The following ARHGEF28 variants were observed in gnomAD, a reference collection of about 807,000 sequenced individuals.
The protein encoded by ARHGEF28 is Rho guanine nucleotide exchange factor 28.
Under a neutral mutation model 206.6 loss-of-function variants are expected in ARHGEF28, and 152 were observed. The observed-to-expected ratio is 0.74, with a 90% CI of 0.64 to 0.84. ARHGEF28 has a LOEUF of 0.84. ARHGEF28 is among the 40% of genes least tolerant of loss of function. ARHGEF28 has a pLI of 0.00. For synonymous variants in ARHGEF28, 763 were observed against 776.4 expected (o/e 0.98, Z 0.29); for missense variants, 2,028 against 2,073.2 (o/e 0.98, Z 0.42).
chr5:73,745,305 A>G (rs981490940), intron 2 of ARHGEF28, among the ~76,000 whole-genome samples: 2 of 152,078 alleles, frequency 1.3e-5, no homozygotes, highest in African/African-American at 4.8e-5. Flanking sequence ...TCAAGGTATT[A>G]GAGACATAGA....
intron 2 of ARHGEF28, among the ~76,000 whole-genome samples, chr5:73,721,500 C>A (rs79351159): frequency 1.3e-5 from 2 of 152,170 alleles, no homozygotes; most frequent in Admixed American, 6.5e-5. Context: ...ATTTTCCCCC[C>A]AGAAGCTGCC....
intron 26 of ARHGEF28, among the ~76,000 whole-genome samples, chr5:73,890,159 G>A (rs1035866565): frequency 1.3e-5 from 2 of 152,106 alleles, no homozygotes; most frequent in African/African-American, 4.8e-5. Context: ...GAATACCGAT[G>A]GACAGGTTCC....
intron 4 of ARHGEF28, among the ~76,000 whole-genome samples, chr5:73,757,528 A>G (rs1475730183): frequency 6.6e-6 from 1 of 152,048 alleles, no homozygotes; most frequent in Non-Finnish European, 1.5e-5. Flanking sequence ...TTCCCTTGTC[A>G]ATCATTGAGA....
chr5:73,812,948 A>C (rs1354191154), intron 9 of ARHGEF28, among the ~76,000 whole-genome samples: 1 of 152,182 alleles, frequency 6.6e-6, no homozygotes, highest in Non-Finnish European at 1.5e-5. Flanking sequence ...TAAATGAATT[A>C]TGAGAGCTGT....
chr5:73,662,042 A>C (rs572787347), intron 1 of ARHGEF28, among the ~76,000 whole-genome samples: 1 of 152,338 alleles, frequency 6.6e-6, no homozygotes, highest in South Asian at 2.1e-4. Flanking sequence ...CTTGAAGCAC[A>C]ACAAGACATG....
chr5:73,867,586 C>T (rs1024343320), intron 18 of ARHGEF28, among the ~76,000 whole-genome samples: 52 of 152,146 alleles, frequency 3.4e-4, no homozygotes, highest in Admixed American at 2.2e-3. Flanking sequence ...GGAAACCTGG[C>T]GCAGTATTTC....
chr5:73,663,890 C>G (rs1486325462), intron 1 of ARHGEF28, among the ~76,000 whole-genome samples: 1 of 152,182 alleles, frequency 6.6e-6, no homozygotes, highest in African/African-American at 2.4e-5. Flanking sequence ...TATGTAGTTA[C>G]GTTTGTGCAA....
At chr5:73,937,210 A>G (rs1190864181) in intron 35 of ARHGEF28, among the ~76,000 whole-genome samples, 2 of 152,236 alleles carry the variant, frequency 1.3e-5, no homozygotes, top group East Asian at 3.8e-4. Context: ...GAATGGTGCC[A>G]GCCAAAATGT....
At chr5:73,724,670 C>T (rs1750172029) in intron 2 of ARHGEF28, among the ~76,000 whole-genome samples, 1 of 152,208 alleles carries the variant, frequency 6.6e-6, no homozygotes, top group Non-Finnish European at 1.5e-5. Flanking sequence ...TGTAGCCATT[C>T]AAGTCTGGCT....
At chr5:73,645,048 A>G (rs1744345830) in intron 1 of ARHGEF28, among the ~76,000 whole-genome samples, 2 of 152,198 alleles carry the variant, frequency 1.3e-5, no homozygotes, top group African/African-American at 4.8e-5. Flanking sequence ...ATTTCATTCA[A>G]TCCTCAACAA....
intron 2 of ARHGEF28, among the ~76,000 whole-genome samples, chr5:73,701,942 A>G (rs562750726): frequency 2.0e-5 from 3 of 152,286 alleles, no homozygotes; most frequent in South Asian, 2.1e-4. Flanking sequence ...TAAAACTGCT[A>G]TGGACAATTG....
chr5:73,698,227 T>C (rs1026594193), intron 2 of ARHGEF28, among the ~76,000 whole-genome samples: 5 of 151,978 alleles, frequency 3.3e-5, no homozygotes, highest in Admixed American at 1.3e-4. Flanking sequence ...CGAGGGGAAA[T>C]TGAATGGAAA....
intron 31 of ARHGEF28, chr5:73,903,714 C>G (rs283625): frequency 0.69 from 107,511 of 155,482 alleles, 38,882 homozygotes; most frequent in African/African-American, 0.92. Flanking sequence ...CTATGGCCAC[C>G]GTCTGAGTCT....
At chr5:73,861,036 G>C (rs990597043) in intron 16 of ARHGEF28, among the ~76,000 whole-genome samples, 3 of 152,172 alleles carry the variant, frequency 2.0e-5, no homozygotes, top group Admixed American at 1.3e-4. Context: ...GACCACTGTG[G>C]TCCAAACTCC....
intron 4 of ARHGEF28, among the ~76,000 whole-genome samples, chr5:73,770,778 CAGA>C (rs1346584925): frequency 6.6e-6 from 1 of 152,174 alleles, no homozygotes; most frequent in African/African-American, 2.4e-5. Flanking sequence ...CTTTAAACAT[CAGA>C]AGATTCTCTC....
chr5:73,893,110 T>C (rs1046596521), intron 27 of ARHGEF28, 87 bp from the exon 28 acceptor site: 1 of 1,108,756 alleles, frequency 9.0e-7, no homozygotes, highest in African/African-American at 1.6e-5. Flanking sequence ...TGAATAAATC[T>C]ATTGCCAAGT....
intron 35 of ARHGEF28, among the ~76,000 whole-genome samples, chr5:73,916,743 A>G (rs1763236238): frequency 6.6e-6 from 1 of 152,162 alleles, no homozygotes; most frequent in Admixed American, 6.5e-5. Context: ...ACAGGGGACA[A>G]AATGATGATT....
At chr5:73,815,257 A>G (rs1756122518) in intron 9 of ARHGEF28, among the ~76,000 whole-genome samples, 1 of 149,246 alleles carries the variant, frequency 6.7e-6, no homozygotes, top group African/African-American at 2.5e-5. Flanking sequence ...CACAAATAGA[A>G]AATGCAGTCA....
chr5:73,660,194 G>A (rs139113874), intron 1 of ARHGEF28, among the ~76,000 whole-genome samples: 1 of 152,074 alleles, frequency 6.6e-6, no homozygotes, highest in Non-Finnish European at 1.5e-5. Flanking sequence ...TTTCAACAAC[G>A]TTCACAGCAT....
Sources: gnomAD v4.1 joint callset for allele counts (sites outside exome capture counted in the v4.1 genomes callset) on GRCh38, gnomAD v4.1.1 for gene constraint, MANE v1.5 for transcripts, NCBI Gene and HGNC (gene_info 2026-07-23, HGNC 2026-07-21) for gene names.